GRIA1: variants seen among roughly 807,000 people sequenced by gnomAD.
The protein encoded by GRIA1 is glutamate receptor 1.
A neutral mutation model predicts 99.2 loss-of-function variants in GRIA1; 31 were observed. The observed-to-expected ratio is 0.31, with a 90% CI of 0.23 to 0.42. GRIA1 has a LOEUF of 0.42. GRIA1 is among the 10% of genes least tolerant of loss of function. The pLI is 1.00. For synonymous variants in GRIA1, 438 were observed against 432.4 expected (o/e 1.01, Z -0.16); for missense variants, 782 against 1,157.5 (o/e 0.68, Z 4.71).
chr5:153,619,375 C>G (rs977527026), intron 2 of GRIA1, among the ~76,000 whole-genome samples: 1 of 151,942 alleles, frequency 6.6e-6, no homozygotes, highest in African/African-American at 2.4e-5. Context: ...TTGAGAAGTC[C>G]GAAGATCTTA....
At chr5:153,626,582 T>A (rs907293809) in intron 2 of GRIA1, among the ~76,000 whole-genome samples, 5 of 152,106 alleles carry the variant, frequency 3.3e-5, no homozygotes, top group Admixed American at 1.3e-4. Context: ...CCCTTAGCTC[T>A]CAGTGCTAAT....
intron 2 of GRIA1, among the ~76,000 whole-genome samples, chr5:153,612,933 A>AG (rs1388845736): frequency 6.6e-6 from 1 of 152,034 alleles, no homozygotes; most frequent in Admixed American, 6.6e-5. Flanking sequence ...AAAAAAAAAA[A>AG]GAAATCTGGG....
chr5:153,809,539 C>T (rs1338476312), intron 15 of GRIA1, among the ~76,000 whole-genome samples: 1 of 152,194 alleles, frequency 6.6e-6, no homozygotes. Context: ...TGTCTGGCCA[C>T]AGAAGGTTGA....
intron 13 of GRIA1, among the ~76,000 whole-genome samples, chr5:153,794,076 T>C (rs1044855631): frequency 6.6e-6 from 1 of 152,218 alleles, no homozygotes. Flanking sequence ...ATTTGCCTAA[T>C]TATTTCTTTA....
chr5:153,703,012 C>T (rs1758641014), intron 10 of GRIA1, among the ~76,000 whole-genome samples: 1 of 152,204 alleles, frequency 6.6e-6, no homozygotes, highest in East Asian at 1.9e-4. Context: ...CCGCTGTGCC[C>T]TCCACTACCC....
At chr5:153,664,701 G>A (rs1381376577) in intron 5 of GRIA1, among the ~76,000 whole-genome samples, 1 of 152,130 alleles carries the variant, frequency 6.6e-6, no homozygotes, top group Non-Finnish European at 1.5e-5. Flanking sequence ...TATAGCATGG[G>A]CCTGACAGTG....
intron 2 of GRIA1, among the ~76,000 whole-genome samples, chr5:153,534,804 G>A (rs1283672680): frequency 6.6e-6 from 1 of 152,184 alleles, no homozygotes; most frequent in East Asian, 1.9e-4. Context: ...TCAGATAAAT[G>A]TCTGGCCCCT....
At chr5:153,710,576 G>A (rs1431653602) in intron 11 of GRIA1, among the ~76,000 whole-genome samples, 2 of 152,118 alleles carry the variant, frequency 1.3e-5, no homozygotes, top group African/African-American at 2.4e-5. Context: ...GTTAAAGAAG[G>A]AATAAAAATC....
At chr5:153,732,988 T>G (rs1324206126) in intron 11 of GRIA1, among the ~76,000 whole-genome samples, 1 of 150,962 alleles carries the variant, frequency 6.6e-6, no homozygotes, top group African/African-American at 2.4e-5. Context: ...TTGAAAAGAC[T>G]ATCCTTTTCC....
intron 2 of GRIA1, among the ~76,000 whole-genome samples, chr5:153,623,246 A>G (rs1203718628): frequency 2.0e-5 from 3 of 152,238 alleles, no homozygotes; most frequent in African/African-American, 7.2e-5. Flanking sequence ...TGATTAATTA[A>G]TAATGTCTTC....
At chr5:153,696,727 G>C (rs916589121) in intron 8 of GRIA1, among the ~76,000 whole-genome samples, 11 of 152,176 alleles carry the variant, frequency 7.2e-5, no homozygotes, top group African/African-American at 2.2e-4. Context: ...TGCACTTCTA[G>C]TTCTCTTTCC....
chr5:153,624,929 G>A (rs1767443544), intron 2 of GRIA1, among the ~76,000 whole-genome samples: 1 of 152,170 alleles, frequency 6.6e-6, no homozygotes, highest in South Asian at 2.1e-4. Flanking sequence ...TTAAAGGTTT[G>A]CATTTAATGC....
intron 5 of GRIA1, among the ~76,000 whole-genome samples, chr5:153,663,108 C>T (rs1273112999): frequency 3.3e-5 from 5 of 152,164 alleles, no homozygotes; most frequent in Non-Finnish European, 7.3e-5. Flanking sequence ...GTGATCCAAG[C>T]ATCCCAGTCT....
intron 11 of GRIA1, among the ~76,000 whole-genome samples, chr5:153,750,612 C>T (rs1762446946): frequency 6.6e-6 from 1 of 152,134 alleles, no homozygotes; most frequent in African/African-American, 2.4e-5. Context: ...TTCCTGAAGG[C>T]CCCCTGCCTT....
intron 13 of GRIA1, among the ~76,000 whole-genome samples, chr5:153,776,218 A>G (rs553645614): frequency 3.3e-5 from 5 of 152,304 alleles, no homozygotes; most frequent in Admixed American, 2.0e-4. Context: ...CATGAGTTAC[A>G]ACGGGATGCA....
chr5:153,732,535 A>G (rs1185490362), intron 11 of GRIA1, among the ~76,000 whole-genome samples: 3 of 152,192 alleles, frequency 2.0e-5, no homozygotes, highest in East Asian at 1.9e-4. Context: ...TTGGAAAAAT[A>G]GCTATTCAGT....
At chr5:153,746,623 G>A (rs1216992097) in intron 11 of GRIA1, among the ~76,000 whole-genome samples, 1 of 152,174 alleles carries the variant, frequency 6.6e-6, no homozygotes, top group African/African-American at 2.4e-5. Flanking sequence ...TCTCACCTCT[G>A]AAAATGAGCT....
At chr5:153,607,175 T>C (rs745592970) in intron 2 of GRIA1, among the ~76,000 whole-genome samples, 1 of 151,512 alleles carries the variant, frequency 6.6e-6, no homozygotes, top group Non-Finnish European at 1.5e-5. Flanking sequence ...CAAGTATCTT[T>C]TTCATATAAT....
chr5:153,556,665 G>C (rs949722889), intron 2 of GRIA1, among the ~76,000 whole-genome samples: 22 of 152,218 alleles, frequency 1.4e-4, no homozygotes, highest in African/African-American at 5.1e-4. Context: ...GTGTGTTCTA[G>C]ATATTTCGAA....
Sources: gnomAD v4.1 joint callset for allele counts (sites outside exome capture counted in the v4.1 genomes callset) on GRCh38, gnomAD v4.1.1 for gene constraint, MANE v1.5 for transcripts, NCBI Gene and HGNC (gene_info 2026-07-23, HGNC 2026-07-21) for gene names.